Variants in ITGB2 observed in about 807,000 individuals in gnomAD.
ITGB2 encodes integrin beta-2.
In ITGB2, 56 loss-of-function variants were observed where a neutral mutation model predicts 86.8. The observed-to-expected ratio is 0.65, with a 90% CI of 0.52 to 0.81. The LOEUF is 0.81. Among genes scored for constraint, ITGB2 ranks in the 30% least tolerant of loss-of-function variants. The pLI is 0.00. For missense variants in ITGB2, 948 were observed against 1,061.2 expected, an observed-to-expected ratio of 0.89 and a Z score of 1.48; for synonymous variants, 457 against 450.4, an observed-to-expected ratio of 1.01 and a Z score of -0.19.
chr21:44,904,694 C>T (rs2084016775), intron 4 of ITGB2, among the ~76,000 whole-genome samples: 1 of 151,868 alleles, frequency 6.6e-6, no homozygotes. Flanking sequence ...ATACACCACA[C>T]ACATGCACTC....
At chr21:44,902,908 C>G (rs1302070125) in intron 5 of ITGB2, among the ~76,000 whole-genome samples, 1 of 152,202 alleles carries the variant, frequency 6.6e-6, no homozygotes, top group African/African-American at 2.4e-5. Flanking sequence ...AAGACATGCG[C>G]TGTGACTGAC....
At chr21:44,911,942 T>A (rs962716878) in intron 1 of ITGB2, among the ~76,000 whole-genome samples, 2 of 152,032 alleles carry the variant, frequency 1.3e-5, no homozygotes, top group Non-Finnish European at 2.9e-5. Flanking sequence ...GGGTCTGACC[T>A]CCCAGGACCT....
intron 14 of ITGB2, 75 bp downstream of exon 14, chr21:44,888,618 C>T: frequency 6.6e-7 from 1 of 1,519,570 alleles, no homozygotes; most frequent in Non-Finnish European, 9.0e-7. Context: ...CCTCCTTCCG[C>T]ACCACCCTCG....
intron 3 of ITGB2, chr21:44,907,994 G>C (rs2084069180): frequency 1.4e-6 from 1 of 711,084 alleles, no homozygotes; most frequent in Non-Finnish European, 2.6e-6. Flanking sequence ...AAATCTCACT[G>C]AAAGGTGTTT....
At chr21:44,892,869 C>CA (rs557309351) in intron 10 of ITGB2, 78 of 169,192 alleles carry the variant, frequency 4.6e-4, no homozygotes, top group African/African-American at 1.4e-3. Flanking sequence ...ATGTTTCTGT[C>CA]AAAAAAACAG....
At chr21:44,925,459 G>A (rs1187601020), upstream of ITGB2, among the ~76,000 whole-genome samples, 4 of 147,124 alleles carry the variant, frequency 2.7e-5, no homozygotes. Flanking sequence ...AAGGAAGGAA[G>A]GAAGGAAGGA....
At chr21:44,900,522 G>C (rs748921493) in intron 6 of ITGB2, 47 bp from the exon 7 acceptor site, 1 of 1,609,612 alleles carries the variant, frequency 6.2e-7, no homozygotes, top group Non-Finnish European at 8.5e-7. Context: ...CAGTTTCCCA[G>C]ACCCGGCCCT....
upstream of ITGB2, among the ~76,000 whole-genome samples, chr21:44,925,452 G>A (rs1014871435): frequency 3.4e-5 from 5 of 148,976 alleles, no homozygotes; most frequent in African/African-American, 5.0e-5. Flanking sequence ...AGGAAGGAAG[G>A]AAGGAAGGAA....
chr21:44,901,686 G>A lies in ITGB2; in HGVS notation c.547C>T (p.His183Tyr), dbSNP rs993659637. Residue 183 changes from histidine (H) to tyrosine (Y), a missense_variant, in exon 6 of 16, where the codon CAC (histidine) becomes TAC (tyrosine). By Grantham distance (83) the His-to-Tyr change is moderately conservative. Transcript: ENST00000652462. ...CATGGGTTTCGCAGCTTATCAGGGTGCGTGTTCACGAACGGCAGCACGGTC... is the reference window on the plus strand; with the variant it reads ...CATGGGTTTCGCAGCTTATCAGGGTACGTGTTCACGAACGGCAGCACGGTC... ...DKTVLPFVNTHPDKLRNPCPN... is the reference protein window; with the variant it reads ...DKTVLPFVNTYPDKLRNPCPN... 5 of 1,613,648 alleles carry A rather than the reference G, an allele frequency of 3.1e-6. No homozygotes were observed. The highest frequency in any genetic ancestry group is 2.2e-5 in the East Asian group (1 of 44,884).
chr21:44,909,734 C>A (rs915367033), intron 3 of ITGB2, among the ~76,000 whole-genome samples: 2 of 152,108 alleles, frequency 1.3e-5, no homozygotes, highest in African/African-American at 4.8e-5. Context: ...AATGAGATAC[C>A]AATGCTGAAT....
intron 12 of ITGB2, 106 bp downstream of exon 12, chr21:44,889,872 G>C (rs1178701724): frequency 6.6e-7 from 1 of 1,506,734 alleles, no homozygotes; most frequent in African/African-American, 1.4e-5. Flanking sequence ...TCTGTCCTCA[G>C]GATCCCCCCT....
At chr21:44,916,607 C>G (rs918507627) in intron 1 of ITGB2, among the ~76,000 whole-genome samples, 20 of 152,236 alleles carry the variant, frequency 1.3e-4, no homozygotes, top group South Asian at 2.1e-4. Context: ...GTGGCTCATG[C>G]CTGTAATCCC....
intron 12 of ITGB2, among the ~76,000 whole-genome samples, chr21:44,889,758 C>T (rs2083757930): frequency 6.6e-6 from 1 of 152,234 alleles, no homozygotes; most frequent in Non-Finnish European, 1.5e-5. Context: ...GGGCCCTCCC[C>T]ACAAGGACGC....
intron 8 of ITGB2, among the ~76,000 whole-genome samples, chr21:44,895,620 T>C (rs1458771285): frequency 2.0e-5 from 3 of 151,860 alleles, no homozygotes; most frequent in East Asian, 2.0e-4. Context: ...AGTGGGTGGA[T>C]CACTGAGGTC....
intron 1 of ITGB2, among the ~76,000 whole-genome samples, chr21:44,919,081 G>C (rs2084256875): frequency 1.9e-5 from 2 of 107,340 alleles, no homozygotes; most frequent in Admixed American, 2.0e-4. Flanking sequence ...ACGCTGAGCG[G>C]CAGTGACGCT....
rs2146504231 is a variant in ITGB2 at position 44,891,828 on chromosome 21, A to G, written c.1393T>C (p.Leu465=). The G allele has an allele frequency of 6.2e-7, 1 of 1,608,054 alleles. No individual in the cohort carries two copies. The highest frequency in any genetic ancestry group is 8.5e-7 in the Non-Finnish European group (1 of 1,179,964). The change falls in exon 11 of 16, where the codon TTG becomes CTG. Residue 465 remains leucine, a synonymous_variant. Transcript: ENST00000652462. Reference sequence around the variant, plus strand: ...CCTCACCTGCAGATGCCGCACTCCAAGAAGCCCTTGCCATGGCAGAGGCTG... The same window carrying G: ...CCTCACCTGCAGATGCCGCACTCCAGGAAGCCCTTGCCATGGCAGAGGCTG... ...DRSLCHGKGF[L]ECGICRCDTG... is the part of the protein sequence containing the mutation.
At chr21:44,926,131 AAATT>A (rs1157666541) in intron 1 of ITGB2, among the ~76,000 whole-genome samples, 1 of 150,242 alleles carries the variant, frequency 6.7e-6, no homozygotes, top group Non-Finnish European at 1.5e-5. Flanking sequence ...ATAAATAAAT[AAATT>A]AATTAATTAA....
chr21:44,902,648 AGT>A (rs2083980108), intron 5 of ITGB2, among the ~76,000 whole-genome samples: 1 of 149,966 alleles, frequency 6.7e-6, no homozygotes, highest in Non-Finnish European at 1.5e-5. Context: ...TTCATGTGTG[AGT>A]GTGCATTCGC....
At chr21:44,923,472 G>A (rs1392370194), upstream of ITGB2, among the ~76,000 whole-genome samples, 1 of 133,486 alleles carries the variant, frequency 7.5e-6, no homozygotes, top group African/African-American at 2.8e-5. Context: ...GGTGGGTTGG[G>A]TTGGGGGAGA....
Sources: allele counts gnomAD v4.1 joint callset (sites outside exome capture counted in the v4.1 genomes callset), GRCh38; gene constraint gnomAD v4.1.1; transcripts MANE v1.5; gene names NCBI Gene and HGNC (gene_info 2026-07-23, HGNC 2026-07-21).